Variants in CTNNA3 observed in about 807,000 individuals in gnomAD.
The protein encoded by CTNNA3 is catenin alpha 3.
CTNNA3 carries 76 observed loss-of-function variants against 95.7 expected under a neutral mutation model. The ratio of observed to expected loss-of-function variants is 0.79; its 90% CI spans 0.66 to 0.96. The LOEUF (loss-of-function observed/expected upper bound fraction) is 0.96, where lower values mean the gene tolerates loss of function less well. Among genes scored for constraint, CTNNA3 ranks in the 40% least tolerant of loss-of-function variants. The probability of loss-of-function intolerance (pLI) is 0.00; values close to 1 mark genes in which losing one functional copy is unlikely to be tolerated. For synonymous variants in CTNNA3, 431 were observed against 374.4 expected, an observed-to-expected ratio of 1.15 and a Z score of -1.74; for missense variants, 1,191 against 1,089.8, an observed-to-expected ratio of 1.09 and a Z score of -1.31.
chr10:66,535,046 A>C (rs1436282431), intron 10 of CTNNA3, among the ~76,000 whole-genome samples: 1 of 152,094 alleles, frequency 6.6e-6, no homozygotes, highest in South Asian at 2.1e-4. Flanking sequence ...ATGCATATTC[A>C]CTGGCGCATG....
rs183601365 is a variant in CTNNA3 at position 67,310,789 on chromosome 10, A to G, written c.580-90919T>C. Among the ~76,000 whole-genome samples the G allele has an allele frequency of 5.6e-4, 86 of 152,258 alleles. No homozygotes were observed. In the East Asian group the frequency reaches 0.014, roughly 25 times the overall value. ...GAACAGCATGAGGGTAACTGCCCCC[A>G]TGATTCAATACCTCCCACCGGGTCC... On this transcript the variant is annotated intron_variant, in intron 5 of 17. Transcript: ENST00000433211.
At chr10:66,855,683 CA>C (rs2132394956) in intron 7 of CTNNA3, among the ~76,000 whole-genome samples, 1 of 152,068 alleles carries the variant, frequency 6.6e-6, no homozygotes, top group Non-Finnish European at 1.5e-5. Context: ...AGATAGGTAC[CA>C]TGTAGCAATA....
rs190364881 is a variant in CTNNA3 at position 66,077,885 on chromosome 10, T to C, written c.1978-8396A>G. ...AAAATTATATGTATATATAATTATA[T>C]ATTGAAGGGTTGGTAAATTTGTTTA... On this transcript the variant is annotated intron_variant, in intron 14 of 17. Transcript: ENST00000433211. Among the ~76,000 whole-genome samples, 390 of 151,866 alleles carry C rather than the reference T, an allele frequency of 2.6e-3. 6 individuals carry two copies. The highest frequency in any genetic ancestry group is 9.1e-3 in the African/African-American group (377 of 41,514).
chr10:67,086,636 A>G (rs1187545011), intron 7 of CTNNA3, among the ~76,000 whole-genome samples: 4 of 151,988 alleles, frequency 2.6e-5, no homozygotes, highest in Non-Finnish European at 5.9e-5. Flanking sequence ...TGCCAGTTGG[A>G]AAGCAAGTGG....
At chr10:67,435,362 C>A (rs552591774) in intron 5 of CTNNA3, among the ~76,000 whole-genome samples, 1 of 152,006 alleles carries the variant, frequency 6.6e-6, no homozygotes, top group South Asian at 2.1e-4. Context: ...TGTGACAAAC[C>A]CACAGCCAAT....
chr10:67,744,230 T>A (rs1468120540), intron 1 of CTNNA3, among the ~76,000 whole-genome samples: 1 of 151,228 alleles, frequency 6.6e-6, no homozygotes, highest in African/African-American at 2.4e-5. Flanking sequence ...GCTGGAGGCA[T>A]CACACTACCT....
chr10:66,596,646 A>G (rs1564557300), intron 10 of CTNNA3, among the ~76,000 whole-genome samples: 1 of 150,696 alleles, frequency 6.6e-6, no homozygotes, highest in African/African-American at 2.4e-5. Context: ...GGTCTGAAAG[A>G]CCCCCAAAAT....
intron 16 of CTNNA3, among the ~76,000 whole-genome samples, chr10:65,973,551 T>C (rs1251025242): frequency 6.6e-6 from 1 of 152,180 alleles, no homozygotes; most frequent in Admixed American, 6.5e-5. Flanking sequence ...TAGGTCATTC[T>C]TGAATTGCTA....
At chr10:67,505,677 A>G (rs758647654) in intron 5 of CTNNA3, among the ~76,000 whole-genome samples, 3 of 152,238 alleles carry the variant, frequency 2.0e-5, no homozygotes, top group Non-Finnish European at 4.4e-5. Context: ...ATCAACAATC[A>G]GCACCTCACT....
intron 3 of CTNNA3, among the ~76,000 whole-genome samples, chr10:67,587,509 T>G (rs1254378628): frequency 1.3e-5 from 2 of 152,172 alleles, no homozygotes; most frequent in Non-Finnish European, 2.9e-5. Context: ...GATAGTTGAT[T>G]TCTTTCAGCA....
intron 11 of CTNNA3, among the ~76,000 whole-genome samples, chr10:66,506,622 C>T (rs1724328522): frequency 1.3e-5 from 2 of 152,030 alleles, no homozygotes; most frequent in Admixed American, 1.3e-4. Flanking sequence ...TCATATACAC[C>T]AGATTGTGAG....
At chr10:66,344,413 T>G (rs1357172410) in intron 12 of CTNNA3, among the ~76,000 whole-genome samples, 6 of 151,356 alleles carry the variant, frequency 4.0e-5, no homozygotes, top group Non-Finnish European at 7.4e-5. Context: ...ATTACAGGCA[T>G]GTGCCACCAT....
Position 67,024,646 on chromosome 10 carries a change from C to A in CTNNA3, c.1047+155671G>T, listed in dbSNP as rs549850033. On this transcript the variant is annotated intron_variant, in intron 7 of 17. Coordinates refer to ENST00000433211, the MANE Select transcript of CTNNA3 (RefSeq NM_013266.4). ...GAGCCATATATGCAAATGGGTGTAACCAGCAAAAGTTACCTTAGAAAAATA... is the reference window on the plus strand; with the variant it reads ...GAGCCATATATGCAAATGGGTGTAAACAGCAAAAGTTACCTTAGAAAAATA... Among the ~76,000 whole-genome samples the A allele has an allele frequency of 2.2e-4, 33 of 152,172 alleles. No individual in the cohort carries two copies. The East Asian group carries it at 6.0e-3, about 28-fold the overall frequency.
intron 10 of CTNNA3, among the ~76,000 whole-genome samples, chr10:66,537,582 T>C (rs1029960265): frequency 1.3e-5 from 2 of 149,190 alleles, no homozygotes; most frequent in Non-Finnish European, 3.0e-5. Context: ...TAATTATAAA[T>C]AAATTGTTAT....
At chr10:67,549,965 G>T (rs753765403) in intron 3 of CTNNA3, among the ~76,000 whole-genome samples, 1 of 152,034 alleles carries the variant, frequency 6.6e-6, no homozygotes, top group East Asian at 1.9e-4. Context: ...TGAGATAAAT[G>T]AACTAATAAA....
chr10:66,964,593 AAAC>A (rs1250609580), intron 7 of CTNNA3, among the ~76,000 whole-genome samples: 1 of 152,200 alleles, frequency 6.6e-6, no homozygotes, highest in Non-Finnish European at 1.5e-5. Flanking sequence ...CATGACATTT[AAAC>A]AATAAATGTA....
intron 15 of CTNNA3, among the ~76,000 whole-genome samples, chr10:66,053,519 A>T (rs1197371873): frequency 6.6e-6 from 1 of 152,024 alleles, no homozygotes; most frequent in Non-Finnish European, 1.5e-5. Flanking sequence ...TCTTCATTTT[A>T]AAATGTACAA....
intron 5 of CTNNA3, among the ~76,000 whole-genome samples, chr10:67,368,409 T>C (rs1843293681): frequency 6.6e-6 from 1 of 152,136 alleles, no homozygotes; most frequent in Admixed American, 6.6e-5. Flanking sequence ...ACACAGATAG[T>C]GGGAATGTAA....
chr10:66,210,188 TA>T, intron 13 of CTNNA3, among the ~76,000 whole-genome samples: 1 of 151,884 alleles, frequency 6.6e-6, no homozygotes, highest in Middle Eastern at 3.4e-3. Flanking sequence ...CTTTAGGCAT[TA>T]AAAATAAACT....
Sources: gnomAD v4.1 joint callset for allele counts (sites outside exome capture counted in the v4.1 genomes callset) on GRCh38, gnomAD v4.1.1 for gene constraint, MANE v1.5 for transcripts, NCBI Gene and HGNC (gene_info 2026-07-23, HGNC 2026-07-21) for gene names.